PIP4K2B: variants seen among roughly 807,000 people sequenced by gnomAD.
PIP4K2B encodes the protein phosphatidylinositol-5-phosphate 4-kinase type 2 beta, also known as phosphatidylinositol 5-phosphate 4-kinase type-2 beta.
PIP4K2B carries 3 observed loss-of-function variants against 42.0 expected under a neutral mutation model. The ratio of observed to expected loss-of-function variants is 0.07; its 90% confidence interval spans 0.03 to 0.18. The LOEUF (loss-of-function observed/expected upper bound fraction) is 0.18, where lower values mean the gene tolerates loss of function less well. Ranked by LOEUF, PIP4K2B falls within the 10% of genes least tolerant of loss-of-function variation. The pLI is 1.00. For missense variants in PIP4K2B, 332 were observed against 562.3 expected (o/e 0.59, Z 4.14); for synonymous variants, 204 against 210.1 (o/e 0.97, Z 0.25).
chr17:38,777,102 T>C (rs954480637), intron 7 of PIP4K2B, among the ~76,000 whole-genome samples: 3 of 152,214 alleles, frequency 2.0e-5, no homozygotes, highest in East Asian at 3.8e-4. Flanking sequence ...TCTTGCTCTG[T>C]TGCCCAGGCT....
At chr17:38,774,631 A>T (rs1033640729) in intron 7 of PIP4K2B, among the ~76,000 whole-genome samples, 5 of 151,962 alleles carry the variant, frequency 3.3e-5, no homozygotes, top group Admixed American at 6.5e-5. Flanking sequence ...CTAGCTGGGC[A>T]TGGTGGTGGG....
intron 4 of PIP4K2B, 45 bp from the exon 5 acceptor site, chr17:38,779,574 GC>G (rs778189403): frequency 6.4e-7 from 1 of 1,572,762 alleles, no homozygotes; most frequent in Admixed American, 1.7e-5. Flanking sequence ...AACAGGCAGT[GC>G]CAGGGATGGA....
intron 7 of PIP4K2B, 99 bp from the exon 8 acceptor site, chr17:38,771,371 A>G: frequency 7.3e-7 from 1 of 1,365,936 alleles, no homozygotes; most frequent in Non-Finnish European, 1.0e-6. Context: ...TTTCAACTCA[A>G]TTCTACAAAC....
intron 3 of PIP4K2B, among the ~76,000 whole-genome samples, chr17:38,780,824 C>T (rs1909665581): frequency 6.6e-6 from 1 of 152,308 alleles, no homozygotes; most frequent in Non-Finnish European, 1.5e-5. Flanking sequence ...ACCTGCTCTT[C>T]ATCCCAGTCT....
In PIP4K2B at chr17:38,771,017, C is replaced by T; in HGVS notation, c.1063G>A (p.Glu355Lys). ...GCAGGCGCAGGCTCTGACTTACTTTCATGGCTTTTCATGGCATAGACGTCA... is the reference window on the plus strand; with the variant it reads ...GCAGGCGCAGGCTCTGACTTACTTTTATGGCTTTTCATGGCATAGACGTCA... The part of the protein sequence containing the change: ...SVDVYAMKSH[E>K]SSPKKEVYFM... Residue 355 changes from glutamate to lysine, a missense_variant, in exon 8 of 10, where the codon GAA (glutamate) becomes AAA (lysine). This residue lies in a region of PIP4K2B where 63 missense variants were observed against 71.6 expected (regional missense o/e 0.88). Coordinates refer to ENST00000619039, the MANE Select transcript of PIP4K2B (RefSeq NM_003559.5). 1 of 1,614,134 alleles carries T rather than the reference C, an allele frequency of 6.2e-7. No individual in the cohort carries two copies. Among genetic ancestry groups the T allele is most frequent in the Non-Finnish European group, 8.5e-7 (1 of 1,180,016 alleles).
intron 2 of PIP4K2B, among the ~76,000 whole-genome samples, chr17:38,785,684 A>C (rs1356213852): frequency 2.0e-5 from 3 of 152,174 alleles, no homozygotes; most frequent in Non-Finnish European, 4.4e-5. Context: ...TCTCAAAACA[A>C]CACCAATAAC....
chr17:38,771,651 G>T (rs985892066), intron 7 of PIP4K2B, among the ~76,000 whole-genome samples: 1 of 151,896 alleles, frequency 6.6e-6, no homozygotes, highest in Non-Finnish European at 1.5e-5. Flanking sequence ...GGATGAAGAG[G>T]AGTCAGTGAG....
chr17:38,780,944 C>T (rs897827207), intron 3 of PIP4K2B, among the ~76,000 whole-genome samples: 5 of 152,160 alleles, frequency 3.3e-5, no homozygotes, highest in African/African-American at 1.2e-4. Context: ...TCTGGACTCT[C>T]ACACGCACTA....
In PIP4K2B at chr17:38,769,394, G is replaced by A; in HGVS notation, c.*297C>T. The A allele has an allele frequency of 9.5e-6, 4 of 419,134 alleles. No individual in the cohort carries two copies. Among genetic ancestry groups the A allele is most frequent in the Non-Finnish European group, 1.7e-5 (4 of 232,942 alleles). The allele number at this position is 419,134 out of a possible 1,614,324, so 26.0% of individuals were successfully genotyped here. ...TCTCTAGCCCCAAGGTATCTTAAAA[G>A]GTTACAAGGTACCAAAAAGGGAACC... is the stretch of plus-strand genomic sequence containing the variant. On this transcript the variant is annotated 3_prime_UTR_variant, in exon 10 of 10. Transcript: ENST00000619039.
chr17:38,776,139 T>C (rs973036920), intron 7 of PIP4K2B: 2 of 382,690 alleles, frequency 5.2e-6, no homozygotes, highest in Non-Finnish European at 5.2e-6. Flanking sequence ...CCCGGCTAAT[T>C]TTGTATTTTC....
intron 1 of PIP4K2B, among the ~76,000 whole-genome samples, chr17:38,795,580 A>G (rs879851863): frequency 2.9e-4 from 44 of 151,608 alleles, no homozygotes; most frequent in Non-Finnish European, 6.2e-4. Context: ...GTAAAACTCC[A>G]TATCTACTAA....
chr17:38,792,257 TC>T (rs1910382860), intron 1 of PIP4K2B, among the ~76,000 whole-genome samples: 1 of 152,058 alleles, frequency 6.6e-6, no homozygotes, highest in African/African-American at 2.4e-5. Context: ...CAGGTGATTC[TC>T]CCATCTCAGC....
At chr17:38,785,924 G>C (rs888080117) in intron 2 of PIP4K2B, among the ~76,000 whole-genome samples, 1 of 152,134 alleles carries the variant, frequency 6.6e-6, no homozygotes, top group Non-Finnish European at 1.5e-5. Context: ...TCTGGTCTCT[G>C]AGTTGAGGGC....
At chr17:38,783,274 C>T (rs2143412853) in intron 3 of PIP4K2B, among the ~76,000 whole-genome samples, 1 of 151,452 alleles carries the variant, frequency 6.6e-6, no homozygotes, top group South Asian at 2.1e-4. Flanking sequence ...CCCACCTTCA[C>T]CACAAGGCTG....
intron 1 of PIP4K2B, among the ~76,000 whole-genome samples, chr17:38,793,644 G>A (rs1377799679): frequency 6.6e-6 from 1 of 152,126 alleles, no homozygotes; most frequent in Non-Finnish European, 1.5e-5. Flanking sequence ...ACCGAGGTGG[G>A]CAAATCGCTT....
chr17:38,771,767 G>T (rs1909057443), intron 7 of PIP4K2B, among the ~76,000 whole-genome samples: 1 of 152,242 alleles, frequency 6.6e-6, no homozygotes, highest in African/African-American at 2.4e-5. Context: ...GGTGGCTCAT[G>T]CCTGTAATCC....
chr17:38,794,434 G>A (rs537970157), intron 1 of PIP4K2B, among the ~76,000 whole-genome samples: 191 of 149,556 alleles, frequency 1.3e-3, no homozygotes, highest in South Asian at 4.4e-3. Context: ...TAACATAATC[G>A]TACACTTAAA....
At chr17:38,793,789 T>C (rs568143536) in intron 1 of PIP4K2B, among the ~76,000 whole-genome samples, 3 of 151,828 alleles carry the variant, frequency 2.0e-5, no homozygotes, top group East Asian at 3.9e-4. Context: ...GAGAATCACC[T>C]GAGCATGGGG....
chr17:38,782,159 G>A (rs970210348), intron 3 of PIP4K2B, among the ~76,000 whole-genome samples: 4 of 152,204 alleles, frequency 2.6e-5, no homozygotes, highest in Non-Finnish European at 4.4e-5. Flanking sequence ...GAAAGGTTGA[G>A]TAGACTCTGT....
Sources: allele counts gnomAD v4.1 joint callset (sites outside exome capture counted in the v4.1 genomes callset), GRCh38; gene constraint gnomAD v4.1.1; regional missense constraint gnomAD v4.1.1; transcripts MANE v1.5; gene names NCBI Gene and HGNC (gene_info 2026-07-23, HGNC 2026-07-21).